TTLL13: variants seen among roughly 807,000 people sequenced by gnomAD.
TTLL13 encodes the protein tubulin tyrosine ligase like 13, also known as tubulin polyglutamylase TTLL13.
the TTLL13 span, chr15:90,258,330 C>T: frequency 3.5e-6 from 5 of 1,423,154 alleles, no homozygotes; most frequent in African/African-American, 1.4e-5. Flanking sequence ...GAATAGGACA[C>T]CTGGGACAGG....
chr15:90,255,734 T>C, the TTLL13 span: 38 of 1,614,154 alleles, frequency 2.4e-5, no homozygotes, highest in Non-Finnish European at 3.1e-5. Context: ...TGGGGGCTCA[T>C]ACTAACTGGC....
the TTLL13 span, chr15:90,250,601 C>A: frequency 6.2e-7 from 1 of 1,601,860 alleles, no homozygotes; most frequent in Middle Eastern, 1.7e-4. Context: ...CACTTCATTC[C>A]CACCCCGCAA....
At chr15:90,256,129 C>A in the TTLL13 span, 5 of 1,613,452 alleles carry the variant, frequency 3.1e-6, no homozygotes, top group South Asian at 5.5e-5. Flanking sequence ...ACCAGGCCCT[C>A]TCTGCACATA....
chr15:90,262,727 A>G, the TTLL13 span: 3 of 1,408,966 alleles, frequency 2.1e-6, no homozygotes, highest in Non-Finnish European at 2.8e-6. Context: ...GGACAACTAG[A>G]TAGGGGAATG....
the TTLL13 span, chr15:90,264,663 G>A: frequency 1.3e-6 from 2 of 1,513,838 alleles, no homozygotes; most frequent in Non-Finnish European, 1.8e-6. Context: ...TTGGGAAAGA[G>A]GTGAACAAAT....
chr15:90,264,200 CTTTTT>C, the TTLL13 span: 1 of 606,086 alleles, frequency 1.6e-6, no homozygotes, highest in East Asian at 2.8e-5. Context: ...TTATTTACTC[CTTTTT>C]TTTTGAGACA....
chr15:90,257,921 G>C, the TTLL13 span: 9 of 1,060,458 alleles, frequency 8.5e-6, no homozygotes, highest in South Asian at 9.2e-5. Flanking sequence ...GCTCCAAACT[G>C]CTAGCAGCCC....
At chr15:90,255,791 C>T in the TTLL13 span, 62 of 1,614,142 alleles carry the variant, frequency 3.8e-5, 1 homozygote, top group South Asian at 2.6e-4. Context: ...AGAAATCTGC[C>T]GCAAAGATCT....
the TTLL13 span, chr15:90,262,488 T>A: frequency 6.8e-7 from 1 of 1,476,656 alleles, no homozygotes; most frequent in South Asian, 1.4e-5. Flanking sequence ...CTGTGTCTTG[T>A]CAGGCAGCAA....
At chr15:90,264,922 G>A in the TTLL13 span, 3 of 1,536,098 alleles carry the variant, frequency 2.0e-6, no homozygotes, top group Non-Finnish European at 2.6e-6. Flanking sequence ...CTGCACCCAT[G>A]CTGCAGCGTT....
the TTLL13 span, among the ~76,000 whole-genome samples, chr15:90,251,869 C>G: frequency 6.6e-6 from 1 of 151,100 alleles, no homozygotes; most frequent in African/African-American, 2.4e-5. Context: ...CCCCACCCTT[C>G]CCAGATTTTA....
At chr15:90,249,915 G>C in the TTLL13 span, 1 of 152,186 alleles carries the variant, frequency 6.6e-6, no homozygotes, top group Non-Finnish European at 1.5e-5. Flanking sequence ...AAGGGCCAGC[G>C]TAGGGGGCTT....
chr15:90,260,072 C>G, the TTLL13 span, among the ~76,000 whole-genome samples: 1 of 152,192 alleles, frequency 6.6e-6, no homozygotes, highest in Admixed American at 6.5e-5. Flanking sequence ...AATATACTGG[C>G]TATTCCCACA....
At chr15:90,255,421 A>G in the TTLL13 span, among the ~76,000 whole-genome samples, 2 of 152,090 alleles carry the variant, frequency 1.3e-5, no homozygotes, top group African/African-American at 4.8e-5. Flanking sequence ...GCTATCATGC[A>G]TTAGTTATTG....
chr15:90,251,273 A>G, the TTLL13 span, among the ~76,000 whole-genome samples: 2 of 111,632 alleles, frequency 1.8e-5, no homozygotes, highest in Non-Finnish European at 1.9e-5. Context: ...GCCACCACGC[A>G]TGGCAAATTT....
At chr15:90,263,932 C>T in the TTLL13 span, 17 of 1,506,078 alleles carry the variant, frequency 1.1e-5, no homozygotes, top group East Asian at 2.5e-5. Flanking sequence ...ACATGTTCCC[C>T]GGTACCATCT....
chr15:90,265,417 G>C, the TTLL13 span: 1 of 1,280,276 alleles, frequency 7.8e-7, no homozygotes, highest in South Asian at 1.8e-5. Flanking sequence ...GCAGCCGCTG[G>C]GGCGGAGGGA....
the TTLL13 span, chr15:90,258,103 A>T: frequency 3.1e-6 from 5 of 1,614,110 alleles, no homozygotes; most frequent in Admixed American, 3.3e-5. Flanking sequence ...CTGTGGGGGG[A>T]CATCGAGGAC....
chr15:90,261,298 C>T, the TTLL13 span, among the ~76,000 whole-genome samples: 3 of 150,782 alleles, frequency 2.0e-5, no homozygotes, highest in Non-Finnish European at 4.4e-5. Flanking sequence ...AGGCTGGTCT[C>T]GAATTCCCAA....
Sources: gnomAD v4.1 joint callset for allele counts (sites outside exome capture counted in the v4.1 genomes callset) on GRCh38, gnomAD v4.1.1 for gene constraint, MANE v1.5 for transcripts, NCBI Gene and HGNC (gene_info 2026-07-23, HGNC 2026-07-21) for gene names.